Variants in SEC31A observed in about 807,000 individuals in gnomAD.
SEC31A encodes SEC31 homolog A, COPII component.
SEC31A carries 70 observed loss-of-function variants against 151.0 expected under a neutral mutation model. The observed-to-expected ratio is 0.46, with a 90% CI of 0.38 to 0.57. The LOEUF is 0.57. SEC31A is among the 20% of genes least tolerant of loss of function. The pLI is 0.00. For missense variants in SEC31A, 1,330 were observed against 1,471.2 expected (o/e 0.90, Z 1.57); for synonymous variants, 475 against 505.9 (o/e 0.94, Z 0.82).
At chr4:82,890,687 A>T (rs1719504612) in intron 1 of SEC31A, 1 of 1,007,052 alleles carries the variant, frequency 9.9e-7, no homozygotes, top group Admixed American at 5.7e-5. Context: ...ACAAAAAAAA[A>T]TCCTAACCAA....
intron 3 of SEC31A, among the ~76,000 whole-genome samples, chr4:82,897,505 A>C (rs1720115018): frequency 1.3e-5 from 2 of 152,034 alleles, no homozygotes; most frequent in African/African-American, 4.8e-5. Context: ...AAGAAAACCA[A>C]CTCTTTCTAT....
At chr4:82,845,349 GA>G in intron 20 of SEC31A, 1 of 1,064,264 alleles carries the variant, frequency 9.4e-7, no homozygotes, top group South Asian at 2.1e-5. Context: ...AACGTTAAAA[GA>G]AGAAAAAAAC....
At chr4:82,884,338 C>A (rs373586191) in intron 1 of SEC31A, among the ~76,000 whole-genome samples, 1 of 151,472 alleles carries the variant, frequency 6.6e-6, no homozygotes, top group East Asian at 1.9e-4. Context: ...TTTGACTTTG[C>A]TTTTTTCAAA....
chr4:82,871,679 A>G, intron 7 of SEC31A: 1 of 526,194 alleles, frequency 1.9e-6, no homozygotes, highest in Non-Finnish European at 3.3e-6. Context: ...AATTTTTATA[A>G]AACTATAAAA....
chr4:82,842,642 T>G, intron 21 of SEC31A, 161 bp from the exon 22 acceptor site: 1 of 605,156 alleles, frequency 1.7e-6, no homozygotes, highest in Non-Finnish European at 2.8e-6. Context: ...GAGGCTCAAA[T>G]GCCCCAAATA....
At chr4:82,858,996 A>T (rs983127526) in intron 14 of SEC31A, among the ~76,000 whole-genome samples, 4 of 152,012 alleles carry the variant, frequency 2.6e-5, no homozygotes, top group East Asian at 1.9e-4. Flanking sequence ...CCACCACGCC[A>T]GGCCGGAAAA....
At chr4:82,896,744 C>A (rs1578434658) in intron 3 of SEC31A, among the ~76,000 whole-genome samples, 1 of 152,130 alleles carries the variant, frequency 6.6e-6, no homozygotes, top group Admixed American at 6.5e-5. Flanking sequence ...GAAAGTTGAA[C>A]TTTCTAAGAA....
At position 82,842,474 on chromosome 4, in the gene SEC31A, T is replaced by C. The variant is rs781008562; in HGVS notation, c.2634A>G (p.Gln878=). The change falls in exon 22 of 27, where the codon CAA becomes CAG. Residue 878 remains glutamine, a synonymous_variant. Transcript: ENST00000395310. ...VPPYPQPQPY[Q]PAQPYPFGTG... ...TTCCGAAGGGATACGGCTGGGCTGG[T>C]TGATAAGCTACACCAAGGAGAAGAA... is the stretch of plus-strand genomic sequence containing the variant. 3.7e-6 allele frequency: 6 copies of C among 1,609,474 alleles called. No homozygotes were observed. The highest frequency in any genetic ancestry group is 1.3e-5 in the African/African-American group (1 of 74,876).
chr4:82,872,390 T>C (rs530332599), intron 6 of SEC31A, among the ~76,000 whole-genome samples: 10 of 152,164 alleles, frequency 6.6e-5, no homozygotes, highest in Non-Finnish European at 1.5e-4. Flanking sequence ...GGTTTTACCA[T>C]GTTGGCCAGG....
At chr4:82,867,640 TTTC>T (rs1272723169) in intron 8 of SEC31A, among the ~76,000 whole-genome samples, 11 of 152,202 alleles carry the variant, frequency 7.2e-5, no homozygotes, top group Admixed American at 5.2e-4. Context: ...AACTTTTTTT[TTTC>T]TTTTTTGAGA....
intron 1 of SEC31A, among the ~76,000 whole-genome samples, chr4:82,889,646 A>G (rs1198158503): frequency 2.0e-5 from 3 of 152,242 alleles, no homozygotes; most frequent in East Asian, 1.9e-4. Context: ...AGACAGTGAA[A>G]TCCCCCCAAA....
intron 1 of SEC31A, among the ~76,000 whole-genome samples, chr4:82,882,295 C>T (rs143843636): frequency 0.01 from 1,508 of 150,456 alleles, 29 homozygotes; most frequent in African/African-American, 0.036. Flanking sequence ...CCCAGCTACT[C>T]AGGAGGCTGA....
intron 22 of SEC31A, among the ~76,000 whole-genome samples, chr4:82,841,442 T>TATATATATATA (rs1728733052): frequency 3.1e-5 from 2 of 64,452 alleles, no homozygotes; most frequent in African/African-American, 7.8e-5. Context: ...AAAAAAAATT[T>TATATATATATA]TATATATATA....
intron 7 of SEC31A, among the ~76,000 whole-genome samples, chr4:82,871,182 T>C (rs1736575603): frequency 6.6e-6 from 1 of 152,192 alleles, no homozygotes; most frequent in East Asian, 1.9e-4. Context: ...TCTCAAAATA[T>C]ATACGTATCA....
chr4:82,827,325 AAC>A (rs1299477156), intron 24 of SEC31A, 42 bp downstream of exon 24: 2 of 1,580,572 alleles, frequency 1.3e-6, no homozygotes, highest in African/African-American at 2.7e-5. Flanking sequence ...AATATACTGA[AAC>A]ACAGCCATCT....
At chr4:82,819,550 T>G (rs1722862114) in intron 26 of SEC31A, among the ~76,000 whole-genome samples, 1 of 152,148 alleles carries the variant, frequency 6.6e-6, no homozygotes, top group Non-Finnish European at 1.5e-5. Context: ...AATTTCTCTC[T>G]CCACTTAAGA....
At chr4:82,875,688 CT>C in intron 5 of SEC31A, 38 bp downstream of exon 5, 7 of 1,288,532 alleles carry the variant, frequency 5.4e-6, no homozygotes, top group African/African-American at 2.9e-5. Flanking sequence ...CTACTTTTGG[CT>C]TTTTTGATTA....
chr4:82,874,644 C>T lies in SEC31A; in HGVS notation c.606G>A (p.Glu202=). The change falls in exon 6 of 27, where the codon GAG becomes GAA. Residue 202 remains glutamate (E), a synonymous_variant. Transcript: ENST00000395310. ...RATVWDLRKN[E]PIIKVSDHSN... The stretch of plus-strand genomic sequence containing the variant: ...TATGGTCACTGACTTTGATGATTGG[C>T]TCATTTTTTCTAAGATCCCATACAG... 1 of 1,610,728 alleles carries T rather than the reference C, an allele frequency of 6.2e-7. No individual in the cohort carries two copies. Among genetic ancestry groups the T allele is most frequent in the Non-Finnish European group, 8.5e-7 (1 of 1,179,438 alleles).
chr4:82,833,441 A>G (rs1397244299), intron 22 of SEC31A, among the ~76,000 whole-genome samples: 1 of 152,004 alleles, frequency 6.6e-6, no homozygotes, highest in Non-Finnish European at 1.5e-5. Context: ...ATAAATACCT[A>G]ATGTAGGTGA....
Sources: allele counts gnomAD v4.1 joint callset (sites outside exome capture counted in the v4.1 genomes callset), GRCh38; gene constraint gnomAD v4.1.1; transcripts MANE v1.5; gene names NCBI Gene and HGNC (gene_info 2026-07-23, HGNC 2026-07-21).